The following LRP1B variants were observed in gnomAD, a reference collection of about 807,000 sequenced individuals.
LRP1B encodes LDL receptor related protein 1B.
Under a neutral mutation model 556.6 loss-of-function variants are expected in LRP1B, and 217 were observed. That is an observed-to-expected ratio of 0.39 (90% CI 0.35 to 0.44). The LOEUF (loss-of-function observed/expected upper bound fraction) is 0.44. Among genes scored for constraint, LRP1B ranks in the 20% least tolerant of loss-of-function variants. LRP1B has a pLI of 1.00. For missense variants in LRP1B, 5,053 were observed against 5,620.8 expected (o/e 0.90, Z 3.23); for synonymous variants, 2,047 against 1,865.8 (o/e 1.10, Z -2.50).
intron 1 of LRP1B, among the ~76,000 whole-genome samples, chr2:142,101,737 C>T (rs1706575575): frequency 6.6e-6 from 1 of 151,986 alleles, no homozygotes; most frequent in Non-Finnish European, 1.5e-5. Context: ...TCACTCACTT[C>T]ATTCAGAGAT....
At chr2:140,549,823 G>A (rs923110535) in intron 43 of LRP1B, among the ~76,000 whole-genome samples, 2 of 151,996 alleles carry the variant, frequency 1.3e-5, no homozygotes, top group Non-Finnish European at 2.9e-5. Flanking sequence ...AGCATACAGC[G>A]GGGCCTAGCA....
At chr2:141,914,400 G>A (rs1263060846) in intron 1 of LRP1B, among the ~76,000 whole-genome samples, 2 of 152,108 alleles carry the variant, frequency 1.3e-5, no homozygotes, top group Admixed American at 1.3e-4. Flanking sequence ...ATATAACACA[G>A]CCAAAGAATA....
chr2:140,555,310 T>G (rs555555555), intron 43 of LRP1B, among the ~76,000 whole-genome samples: 249 of 152,142 alleles, frequency 1.6e-3, no homozygotes, highest in African/African-American at 5.8e-3. Flanking sequence ...AATATGTGTC[T>G]TTCAATGTGT....
At chr2:141,827,330 A>G (rs1247238730) in intron 1 of LRP1B, among the ~76,000 whole-genome samples, 1 of 152,206 alleles carries the variant, frequency 6.6e-6, no homozygotes, top group Non-Finnish European at 1.5e-5. Flanking sequence ...GTTTTACAAA[A>G]TGTTTGAATG....
At chr2:140,918,024 A>AT (rs1377679770) in intron 21 of LRP1B, among the ~76,000 whole-genome samples, 1 of 151,980 alleles carries the variant, frequency 6.6e-6, no homozygotes, top group East Asian at 1.9e-4. Flanking sequence ...TATAAAGTCT[A>AT]TTTTTTTAGA....
intron 32 of LRP1B, among the ~76,000 whole-genome samples, chr2:140,794,243 A>C (rs1385346410): frequency 6.6e-6 from 1 of 152,144 alleles, no homozygotes; most frequent in Non-Finnish European, 1.5e-5. Flanking sequence ...AATATATATA[A>C]TTTCCAAGAA....
chr2:140,952,950 C>A (rs1695762360), intron 18 of LRP1B, among the ~76,000 whole-genome samples: 1 of 152,020 alleles, frequency 6.6e-6, no homozygotes, highest in Admixed American at 6.6e-5. Context: ...GATAGCATTA[C>A]AAATCTTCAC....
At chr2:141,604,959 T>C (rs1225634175) in intron 2 of LRP1B, among the ~76,000 whole-genome samples, 3 of 151,978 alleles carry the variant, frequency 2.0e-5, no homozygotes, top group Non-Finnish European at 2.9e-5. Context: ...CCCAGCCCAG[T>C]TGTGACCTGA....
chr2:140,526,389 C>G (rs1574041365), intron 47 of LRP1B, 39 bp from the exon 48 acceptor site: 1 of 1,152,580 alleles, frequency 8.7e-7, no homozygotes, highest in African/African-American at 1.5e-5. Flanking sequence ...AAAGATGGGA[C>G]AGAATGACTC....
At chr2:141,034,311 T>A (rs887078460) in intron 11 of LRP1B, among the ~76,000 whole-genome samples, 1 of 152,172 alleles carries the variant, frequency 6.6e-6, no homozygotes, top group African/African-American at 2.4e-5. Flanking sequence ...AATATCTTCA[T>A]GTCTAAAACA....
intron 1 of LRP1B, among the ~76,000 whole-genome samples, chr2:142,129,584 TTCTCTCTCTCTCTCTCTC>T (rs56034357): frequency 0.013 from 1,756 of 134,826 alleles, 48 homozygotes; most frequent in African/African-American, 0.039. Flanking sequence ...CTTTCTCTCT[TTCTCTCTCTCTCTCTCTC>T]TCTCTCTCTC....
intron 1 of LRP1B, among the ~76,000 whole-genome samples, chr2:141,971,929 T>C (rs2105076818): frequency 6.6e-6 from 1 of 151,598 alleles, no homozygotes; most frequent in East Asian, 1.9e-4. Flanking sequence ...CTATCATCCG[T>C]GCTATTCTCT....
intron 41 of LRP1B, among the ~76,000 whole-genome samples, chr2:140,689,612 G>A (rs1686167771): frequency 6.6e-6 from 1 of 152,206 alleles, no homozygotes; most frequent in Non-Finnish European, 1.5e-5. Flanking sequence ...TTACTTGGCA[G>A]TGATCTAATA....
intron 3 of LRP1B, chr2:141,286,733 T>A (rs894380379): frequency 9.0e-6 from 4 of 445,730 alleles, no homozygotes; most frequent in African/African-American, 8.0e-5. Context: ...ATTCAATGAA[T>A]TTGTACATTG....
chr2:142,056,169 A>G (rs1409804053), intron 1 of LRP1B, among the ~76,000 whole-genome samples: 1 of 152,102 alleles, frequency 6.6e-6, no homozygotes, highest in Non-Finnish European at 1.5e-5. Flanking sequence ...TAAAAAATAA[A>G]AAGTGTTCAC....
intron 18 of LRP1B, among the ~76,000 whole-genome samples, chr2:140,966,464 G>C (rs976498919): frequency 6.6e-6 from 1 of 152,092 alleles, no homozygotes. Context: ...TGTCAGATGA[G>C]TAGATTGCAA....
At chr2:141,781,738 A>G (rs961068924) in intron 2 of LRP1B, among the ~76,000 whole-genome samples, 7 of 152,190 alleles carry the variant, frequency 4.6e-5, no homozygotes, top group African/African-American at 1.7e-4. Context: ...AGTTACACAG[A>G]CATAGATAAA....
At chr2:141,778,896 T>C (rs1695157120) in intron 2 of LRP1B, among the ~76,000 whole-genome samples, 1 of 152,182 alleles carries the variant, frequency 6.6e-6, no homozygotes, top group South Asian at 2.1e-4. Flanking sequence ...AGAAGTAAAT[T>C]ACTAAGCAGA....
chr2:141,725,427 A>C (rs1443528697), intron 2 of LRP1B, among the ~76,000 whole-genome samples: 1 of 151,934 alleles, frequency 6.6e-6, no homozygotes, highest in East Asian at 1.9e-4. Context: ...ATCAGAGATC[A>C]AAATGGTAGA....
Sources: gnomAD v4.1 joint callset for allele counts (sites outside exome capture counted in the v4.1 genomes callset) on GRCh38, gnomAD v4.1.1 for gene constraint, MANE v1.5 for transcripts, NCBI Gene and HGNC (gene_info 2026-07-23, HGNC 2026-07-21) for gene names.